The following GARIN5A variants were observed in gnomAD, a reference collection of about 807,000 sequenced individuals.
GARIN5A encodes the protein golgi associated RAB2 interactor 5A.
the GARIN5A span, among the ~76,000 whole-genome samples, chr19:50,471,998 G>A: frequency 4.0e-5 from 6 of 148,242 alleles, no homozygotes; most frequent in South Asian, 4.2e-4. Flanking sequence ...GTATATATAC[G>A]TGTATGTATA....
At chr19:50,467,243 C>T in the GARIN5A span, among the ~76,000 whole-genome samples, 2 of 152,054 alleles carry the variant, frequency 1.3e-5, no homozygotes, top group Admixed American at 6.5e-5. Context: ...GGGGCTGGGG[C>T]ACGGGTGTGG....
chr19:50,471,884 G>GTATATGTATGCATACATGTA, the GARIN5A span, among the ~76,000 whole-genome samples: 156 of 150,794 alleles, frequency 1.0e-3, 4 homozygotes, highest in South Asian at 0.012. Context: ...GCATACATGT[G>GTATATGTATGCATACATGTA]TGTATATGTA....
chr19:50,474,182 CTTT>C, the GARIN5A span, among the ~76,000 whole-genome samples: 3 of 146,230 alleles, frequency 2.1e-5, no homozygotes, highest in Admixed American at 1.4e-4. Context: ...TTTATTCTCT[CTTT>C]TTTTTTTTGA....
At chr19:50,472,271 G>GTATATATACATGTATGTGTGTAT in the GARIN5A span, among the ~76,000 whole-genome samples, 533 of 102,092 alleles carry the variant, frequency 5.2e-3, 18 homozygotes, top group East Asian at 0.031. Context: ...GTGTATATAT[G>GTATATATACATGTATGTGTGTAT]TATATATACA....
At chr19:50,472,053 TAC>T in the GARIN5A span, among the ~76,000 whole-genome samples, 1 of 141,524 alleles carries the variant, frequency 7.1e-6, no homozygotes, top group Non-Finnish European at 1.5e-5. Context: ...TATGTATATA[TAC>T]GTGTGTGTAT....
chr19:50,475,901 G>T, the GARIN5A span: 1 of 1,613,962 alleles, frequency 6.2e-7, no homozygotes, highest in African/African-American at 1.3e-5. Context: ...TGGAGGTAGC[G>T]TTGGAGCCGT....
the GARIN5A span, chr19:50,475,448 C>A: frequency 1.2e-6 from 2 of 1,605,170 alleles, no homozygotes; most frequent in Non-Finnish European, 1.7e-6. Context: ...TTCTCCCAAC[C>A]GAGTCACCTG....
the GARIN5A span, among the ~76,000 whole-genome samples, chr19:50,468,468 C>T: frequency 6.6e-6 from 1 of 151,880 alleles, no homozygotes; most frequent in Non-Finnish European, 1.5e-5. Context: ...CAGCCCCTCA[C>T]ACGCAGCCTA....
the GARIN5A span, chr19:50,467,477 T>A: frequency 1.1e-6 from 1 of 932,274 alleles, no homozygotes; most frequent in Non-Finnish European, 1.6e-6. Context: ...CCAAGCTCTC[T>A]CCTCTCTTAG....
chr19:50,476,636 G>T, the GARIN5A span: 1 of 1,546,562 alleles, frequency 6.5e-7, no homozygotes. Flanking sequence ...AGCGGCTGCC[G>T]GGCCGGGACT....
chr19:50,472,329 A>C, the GARIN5A span, among the ~76,000 whole-genome samples: 3,507 of 151,816 alleles, frequency 0.023, 110 homozygotes, highest in East Asian at 0.12. Context: ...GTATATATAT[A>C]TCTCTCTGTC....
At chr19:50,468,463 CCT>C in the GARIN5A span, among the ~76,000 whole-genome samples, 2 of 151,984 alleles carry the variant, frequency 1.3e-5, no homozygotes, top group Non-Finnish European at 2.9e-5. Context: ...TCCCTCAGCC[CCT>C]CACACGCAGC....
chr19:50,471,844 GC>G, the GARIN5A span, among the ~76,000 whole-genome samples: 2 of 148,558 alleles, frequency 1.3e-5, no homozygotes, highest in Non-Finnish European at 2.9e-5. Flanking sequence ...ATATCTGTGT[GC>G]ATACGCATAC....
the GARIN5A span, among the ~76,000 whole-genome samples, chr19:50,469,841 C>T: frequency 5.3e-5 from 8 of 152,170 alleles, no homozygotes; most frequent in Non-Finnish European, 8.8e-5. Context: ...CCTGCCACAC[C>T]GCCTGTAACC....
the GARIN5A span, chr19:50,467,411 GA>G: frequency 5.0e-6 from 3 of 594,272 alleles, no homozygotes; most frequent in Admixed American, 3.1e-5. Flanking sequence ...TCCTCCCTCA[GA>G]CCCAGGAGTC....
At chr19:50,472,139 T>TATATATAC in the GARIN5A span, among the ~76,000 whole-genome samples, 1 of 139,142 alleles carries the variant, frequency 7.2e-6, no homozygotes, top group South Asian at 2.3e-4. Context: ...TGTGTATATG[T>TATATATAC]ATGTATACGT....
At chr19:50,476,573 G>A in the GARIN5A span, 1 of 1,575,276 alleles carries the variant, frequency 6.3e-7, no homozygotes, top group Non-Finnish European at 8.6e-7. Context: ...GGGGCAACCC[G>A]GCTGCTCCTG....
chr19:50,470,656 T>C, the GARIN5A span, among the ~76,000 whole-genome samples: 2 of 120,106 alleles, frequency 1.7e-5, no homozygotes, highest in African/African-American at 6.2e-5. Flanking sequence ...TGGCTACTGC[T>C]GTTTTTTTTT....
chr19:50,476,834 C>T, the GARIN5A span: 3 of 504,620 alleles, frequency 5.9e-6, no homozygotes, highest in South Asian at 2.8e-5. Context: ...GCCAGTGCAC[C>T]GGGTTGCAAG....
Sources: gnomAD v4.1 joint callset for allele counts (sites outside exome capture counted in the v4.1 genomes callset) on GRCh38, gnomAD v4.1.1 for gene constraint, MANE v1.5 for transcripts, NCBI Gene and HGNC (gene_info 2026-07-23, HGNC 2026-07-21) for gene names.